Variants in CACNA1D observed in about 807,000 individuals in gnomAD.
The protein encoded by CACNA1D is voltage-dependent L-type calcium channel subunit alpha-1D.
In CACNA1D, 55 loss-of-function variants were observed where a neutral mutation model predicts 257.1. That is an observed-to-expected ratio of 0.21 (90% confidence interval 0.17 to 0.27). The LOEUF (loss-of-function observed/expected upper bound fraction) is 0.27. Ranked by LOEUF, CACNA1D falls within the 10% of genes least tolerant of loss-of-function variation. The pLI is 1.00. For synonymous variants in CACNA1D, 980 were observed against 1,014.9 expected, an observed-to-expected ratio of 0.97 and a Z score of 0.65; for missense variants, 1,876 against 2,784.0, an observed-to-expected ratio of 0.67 and a Z score of 7.34.
At chr3:53,503,818 C>T (rs1395118768) in intron 3 of CACNA1D, among the ~76,000 whole-genome samples, 1 of 148,018 alleles carries the variant, frequency 6.8e-6, no homozygotes, top group African/African-American at 2.5e-5. Context: ...GTGGGCCTTT[C>T]TAAAAGCCAA....
chr3:53,536,470 C>A (rs2092117353), intron 3 of CACNA1D, among the ~76,000 whole-genome samples: 1 of 152,054 alleles, frequency 6.6e-6, no homozygotes, highest in African/African-American at 2.4e-5. Flanking sequence ...ATGGGAACTA[C>A]CAGGTTAAAA....
rs149746093 is a variant in CACNA1D at position 53,803,483 on chromosome 3, C to T, written c.5496C>T (p.Gly1832=). ...GCCGGGAAGACCCAGAGATACATGG[C>T]TATTTCAGGGACCCCCACTGCTTGG... ...TICREDPEIH[G]YFRDPHCLGE... is the part of the protein sequence containing the mutation. Residue 1832 remains glycine, a synonymous_variant, in exon 44 of 48, where the codon GGC becomes GGT. Transcript: ENST00000350061. 2.0e-3 allele frequency: 3,190 copies of T among 1,613,954 alleles called. 3 individuals are homozygous for T. The highest frequency in any genetic ancestry group is 2.6e-3 in the Non-Finnish European group (3,034 of 1,179,780).
chr3:53,742,120 T>G (rs1480764675), intron 21 of CACNA1D, among the ~76,000 whole-genome samples: 1 of 152,090 alleles, frequency 6.6e-6, no homozygotes, highest in African/African-American at 2.4e-5. Flanking sequence ...TGGAAGGCTC[T>G]TTGGTTATTT....
intron 8 of CACNA1D, among the ~76,000 whole-genome samples, chr3:53,690,222 G>A (rs2094507028): frequency 1.3e-5 from 2 of 152,170 alleles, no homozygotes; most frequent in Admixed American, 6.5e-5. Flanking sequence ...GAGGAAACCC[G>A]CTGTGGGACC....
At chr3:53,577,135 G>A (rs1487742882) in intron 3 of CACNA1D, among the ~76,000 whole-genome samples, 1 of 152,150 alleles carries the variant, frequency 6.6e-6, no homozygotes, top group Admixed American at 6.5e-5. Context: ...TTGTTTACTG[G>A]CCATGTGGTC....
chr3:53,722,785 T>C (rs2094895403), intron 12 of CACNA1D, among the ~76,000 whole-genome samples: 1 of 152,190 alleles, frequency 6.6e-6, no homozygotes. Flanking sequence ...TCGGGGAAGC[T>C]TCATTTTCCC....
At chr3:53,649,308 CAT>C (rs2094061383) in intron 3 of CACNA1D, among the ~76,000 whole-genome samples, 2 of 152,094 alleles carry the variant, frequency 1.3e-5, no homozygotes, top group African/African-American at 4.8e-5. Context: ...TCTTCAGAAA[CAT>C]AAAATTTATT....
chr3:53,744,478 G>A (rs997383693), intron 22 of CACNA1D, among the ~76,000 whole-genome samples: 2 of 152,226 alleles, frequency 1.3e-5, no homozygotes, highest in African/African-American at 2.4e-5. Flanking sequence ...AAGAGAGTTC[G>A]TGAGTTGTGT....
chr3:53,623,008 C>T (rs1328139906), intron 3 of CACNA1D, among the ~76,000 whole-genome samples: 1 of 152,088 alleles, frequency 6.6e-6, no homozygotes, highest in East Asian at 1.9e-4. Context: ...TCTCCTGCCT[C>T]AGCCTCCTGC....
chr3:53,507,452 CAAAAAAA>C (rs60741810), intron 3 of CACNA1D, among the ~76,000 whole-genome samples: 5 of 123,190 alleles, frequency 4.1e-5, no homozygotes, highest in African/African-American at 1.5e-4. Flanking sequence ...CTCCCCCCGC[CAAAAAAA>C]AAAAAAAAAT....
chr3:53,807,348 A>T (rs988116143), intron 45 of CACNA1D, among the ~76,000 whole-genome samples: 1 of 152,244 alleles, frequency 6.6e-6, no homozygotes, highest in Non-Finnish European at 1.5e-5. Flanking sequence ...CAACTGAACC[A>T]GGAGGCCCCA....
intron 43 of CACNA1D, among the ~76,000 whole-genome samples, chr3:53,802,496 C>T (rs536557786): frequency 2.0e-5 from 3 of 152,246 alleles, no homozygotes; most frequent in Non-Finnish European, 4.4e-5. Flanking sequence ...GTGTGGCTGG[C>T]AGCTCCGGCT....
At chr3:53,722,770 C>A (rs2094895146) in intron 12 of CACNA1D, among the ~76,000 whole-genome samples, 1 of 152,180 alleles carries the variant, frequency 6.6e-6, no homozygotes, top group Non-Finnish European at 1.5e-5. Context: ...TGCTCCCTGC[C>A]CTCATCGGGG....
At chr3:53,808,606 G>A (rs2095579526) in intron 45 of CACNA1D, 43 bp from the exon 46 acceptor site, 1 of 1,602,364 alleles carries the variant, frequency 6.2e-7, no homozygotes, top group East Asian at 2.2e-5. Context: ...TGTCCCGGCA[G>A]AGAACTTGCT....
intron 3 of CACNA1D, among the ~76,000 whole-genome samples, chr3:53,510,229 T>C (rs2091051239): frequency 6.6e-6 from 1 of 152,236 alleles, no homozygotes; most frequent in Non-Finnish European, 1.5e-5. Flanking sequence ...TTCCGAATTG[T>C]TTTTCACAGC....
intron 3 of CACNA1D, among the ~76,000 whole-genome samples, chr3:53,554,042 A>G (rs1046977459): frequency 1.3e-5 from 2 of 151,876 alleles, no homozygotes; most frequent in African/African-American, 4.8e-5. Context: ...TAAAAATACA[A>G]AAAATTAGCT....
chr3:53,635,878 G>A (rs1245179410), intron 3 of CACNA1D, among the ~76,000 whole-genome samples: 2 of 152,158 alleles, frequency 1.3e-5, no homozygotes, highest in East Asian at 3.9e-4. Context: ...CCTTAGGACA[G>A]GCAGGAAACT....
chr3:53,732,933 C>G lies in CACNA1D; in HGVS notation c.2592C>G (p.Ser864Arg). ...KEKIAPIPEG[S>R]AFFILSKTNP... The stretch of plus-strand genomic sequence containing the variant: ...AAATTGCCCCCATCCCTGAAGGGAG[C>G]GCTTTCTTCATTCTTAGCAAGACCA... The change falls in exon 19 of 48, where the codon AGC (serine) becomes AGG (arginine). Residue 864 changes from serine (S) to arginine (R), a missense_variant. Around this residue, in one of 10 missense-constraint regions of CACNA1D, gnomAD observed 271 missense variants for 425.5 expected, o/e 0.64. Transcript: ENST00000350061. 6.2e-7 allele frequency: 1 copy of G among 1,613,932 alleles called. No homozygotes were observed. The highest frequency in any genetic ancestry group is 2.2e-5 in the East Asian group (1 of 44,884).
chr3:53,543,141 T>TAAAG (rs2092339920), intron 3 of CACNA1D, among the ~76,000 whole-genome samples: 1 of 118,364 alleles, frequency 8.4e-6, no homozygotes, highest in South Asian at 2.7e-4. Flanking sequence ...AAGAAAGAAA[T>TAAAG]AAATAAATAA....
Sources: allele counts gnomAD v4.1 joint callset (sites outside exome capture counted in the v4.1 genomes callset), GRCh38; gene constraint gnomAD v4.1.1; regional missense constraint gnomAD v4.1.1; transcripts MANE v1.5; gene names NCBI Gene and HGNC (gene_info 2026-07-23, HGNC 2026-07-21).